TNFAIP2: variants seen among roughly 807,000 people sequenced by gnomAD.
The protein encoded by TNFAIP2 is tumor necrosis factor alpha-induced protein 2.
In TNFAIP2, 47 loss-of-function variants were observed where a neutral mutation model predicts 63.5. That is an observed-to-expected ratio of 0.74 (90% CI 0.59 to 0.94). TNFAIP2 has a LOEUF of 0.94. Among genes scored for constraint, TNFAIP2 ranks in the 40% least tolerant of loss-of-function variants. The pLI is 0.00. For missense variants in TNFAIP2, 787 were observed against 850.2 expected (o/e 0.93, Z 0.92); for synonymous variants, 405 against 390.2 (o/e 1.04, Z -0.45).
Position 103,135,560 on chromosome 14 carries a change from G to T in TNFAIP2, c.*200G>T, listed in dbSNP as rs1001743559. The T allele has an allele frequency of 6.3e-6, 9 of 1,431,292 alleles. No homozygotes were observed. The highest frequency in any genetic ancestry group is 8.2e-6 in the Non-Finnish European group (9 of 1,097,070). 88.7% of individuals were successfully genotyped at this position (1,431,292 alleles called of 1,614,324 possible). On this transcript the variant is annotated 3_prime_UTR_variant, in exon 12 of 12. Coordinates refer to ENST00000560869, the MANE Select transcript of TNFAIP2 (RefSeq NM_006291.4). This position sits in a 1 kb window ranked among gnomAD's most constrained non-coding sequence, Gnocchi z 7.6. ...CTTGGTTTGTTTACATGTCCGATGG[G>T]GGCAGGAGCTCCCATCCTGGGCAGC...
At position 103,131,969 on chromosome 14, in the gene TNFAIP2, T is replaced by C. The variant is rs2087984757; in HGVS notation, c.1422+207T>C. Among the ~76,000 whole-genome samples, 1 of 80,132 alleles carries C rather than the reference T, an allele frequency of 1.2e-5. No homozygotes were observed. Among genetic ancestry groups the C allele is most frequent in the Non-Finnish European group, 2.7e-5 (1 of 37,252 alleles). The allele number at this position is 80,132 out of a possible 152,430, so 52.6% of individuals were successfully genotyped here. ...GCTCTGAACTCCGCCGATCATGTCC[T>C]GGGGTTTCACCTGAGAGGGGCCGCC... On this transcript the variant is annotated intron_variant, in intron 8 of 11. Coordinates refer to ENST00000560869, the MANE Select transcript of TNFAIP2 (RefSeq NM_006291.4). The surrounding 1 kb of genome is among the most constrained non-coding windows in gnomAD (Gnocchi z 4.0).
At chr14:103,129,087 G>T (rs1202689749) in intron 3 of TNFAIP2, among the ~76,000 whole-genome samples, 1 of 152,200 alleles carries the variant, frequency 6.6e-6, no homozygotes, top group Non-Finnish European at 1.5e-5. Flanking sequence ...GAGCTCTGGG[G>T]CGCTGCAGAG....
chr14:103,122,524 A>G (rs1362495361), upstream of TNFAIP2: 1 of 385,152 alleles, frequency 2.6e-6, no homozygotes, highest in African/African-American at 2.1e-5. Flanking sequence ...TGAAATAAGG[A>G]AGGAAGTGAA....
At position 103,132,976 on chromosome 14, in the gene TNFAIP2, G is replaced by A. The variant is rs183502621; in HGVS notation, c.1545+104G>A. On this transcript the variant is annotated intron_variant, in intron 9 of 11. Coordinates refer to ENST00000560869, the MANE Select transcript of TNFAIP2 (RefSeq NM_006291.4). ...CACTCACGCACATGTGCTCACACGC[G>A]CACATGTGAACACACGTGAATGCAC... 4.5e-5 allele frequency: 68 copies of A among 1,521,078 alleles called. No homozygotes were observed. The Middle Eastern group carries it at 6.0e-4, about 13-fold the overall frequency. The allele number at this position is 1,521,078 out of a possible 1,614,324, so 94.2% of individuals were successfully genotyped here.
rs895943217 is a variant in TNFAIP2, at chr14:103,135,603, G to A, written c.*243G>A. The A allele has an allele frequency of 3.6e-6, 5 of 1,397,684 alleles. No homozygotes were observed. The African/African-American group carries it at 7.3e-5, about 20-fold the overall frequency. The allele number at this position is 1,397,684 out of a possible 1,614,324, so 86.6% of individuals were successfully genotyped here. ...TGGGCAGCCAACCAGGCAACACCAA[G>A]GACTCTTTGTAAACGATAGCTGATC... On this transcript the variant is annotated 3_prime_UTR_variant, in exon 12 of 12. Transcript: ENST00000560869. This position sits in a 1 kb window ranked among gnomAD's most constrained non-coding sequence, Gnocchi z 7.6.
rs546155705 is a variant in TNFAIP2 at position 103,133,077 on chromosome 14, CAT to C, written c.1545+206_1545+207del. 5.9e-4 allele frequency among the ~76,000 whole-genome samples: 90 copies of C among 152,268 alleles called. No individual in the cohort carries two copies. The Middle Eastern group carries it at 0.01, about 17-fold the overall frequency. ...GAACGCACGAGCATGTGAACACACA[CAT>C]GTGAATGCACGAGCATGTGAACACA... On this transcript the variant is annotated intron_variant, in intron 9 of 11. Transcript: ENST00000560869.
At position 103,127,402 on chromosome 14, in the gene TNFAIP2, G is replaced by A. The variant is rs748867384; in HGVS notation, c.633G>A (p.Glu211=). ...RMGQRPAAGA[E]VPESVFLHLG... is the part of the protein sequence containing the mutation. ...GCCAGCGGCCGGCCGCGGGCGCCGA[G>A]GTCCCCGAGAGCGTCTTTCTGCACT... The change falls in exon 3 of 12, where the codon GAG becomes GAA. Residue 211 remains glutamate, a synonymous_variant. Coordinates refer to ENST00000560869, the MANE Select transcript of TNFAIP2 (RefSeq NM_006291.4). This position sits in a 1 kb window ranked among gnomAD's most constrained non-coding sequence, Gnocchi z 5.1. 1.5e-5 allele frequency: 23 copies of A among 1,553,090 alleles called. No homozygotes were observed. In the Admixed American group the frequency reaches 3.0e-4, roughly 21 times the overall value.
intron 2 of TNFAIP2, 133 bp from the exon 3 acceptor site, chr14:103,126,872 C>T: frequency 1.4e-6 from 2 of 1,386,652 alleles, no homozygotes; most frequent in South Asian, 3.0e-5. Context: ...GTCAGGGACA[C>T]CGACATCACC....
rs1311347035 is a variant in TNFAIP2, at chr14:103,131,262, C to T, written c.1298+112C>T. 2 of 1,184,546 alleles carry T rather than the reference C, an allele frequency of 1.7e-6. No individual in the cohort carries two copies. Among genetic ancestry groups the T allele is most frequent in the Admixed American group, 1.8e-5 (1 of 54,926 alleles). 73.4% of individuals were successfully genotyped at this position (1,184,546 alleles called of 1,614,324 possible). ...CTTAGGCCAAGAAGTGGAATTCAAA[C>T]CAGCAACATGTGTGAGGACTCCACG... On this transcript the variant is annotated intron_variant, in intron 7 of 11. Coordinates refer to ENST00000560869, the MANE Select transcript of TNFAIP2 (RefSeq NM_006291.4). The surrounding 1 kb of genome is among the most constrained non-coding windows in gnomAD (Gnocchi z 4.0).
chr14:103,128,422 G>A (rs1252706794), intron 3 of TNFAIP2, among the ~76,000 whole-genome samples: 1 of 152,208 alleles, frequency 6.6e-6, no homozygotes, highest in East Asian at 1.9e-4. Context: ...ATCCCTGGGC[G>A]TGCCCGTCAT....
At chr14:103,133,281 C>T in intron 9 of TNFAIP2, 81 bp from the exon 10 acceptor site, 1 of 1,528,738 alleles carries the variant, frequency 6.5e-7, no homozygotes, top group South Asian at 1.2e-5. Flanking sequence ...TCTCTGGAGG[C>T]CTGGCTACAA....
chr14:103,124,385 G>C (rs1288593805), intron 1 of TNFAIP2: 1 of 152,418 alleles, frequency 6.6e-6, no homozygotes. Flanking sequence ...CTGCCTCGGA[G>C]AGCGGAGACC....
rs8176398 is a variant in TNFAIP2, at chr14:103,135,129, C to G, written c.1824-90C>G. ...CCCTCGTGGGCCGGGCGTTGGCTGT[C>G]GGGCCCTGTGGCACTGGCCGGGAGT... On this transcript the variant is annotated intron_variant, in intron 11 of 11. Coordinates refer to ENST00000560869, the MANE Select transcript of TNFAIP2 (RefSeq NM_006291.4). This position sits in a 1 kb window ranked among gnomAD's most constrained non-coding sequence, Gnocchi z 7.6. 1.5e-4 allele frequency: 237 copies of G among 1,552,722 alleles called. 1 individual carries two copies. The African/African-American group carries it at 3.0e-3, about 20-fold the overall frequency.
At chr14:103,128,894 G>T (rs1278534061) in intron 3 of TNFAIP2, among the ~76,000 whole-genome samples, 1 of 152,256 alleles carries the variant, frequency 6.6e-6, no homozygotes, top group African/African-American at 2.4e-5. Flanking sequence ...AAGCCAAGCT[G>T]GGCATGGAGC....
upstream of TNFAIP2, among the ~76,000 whole-genome samples, chr14:103,122,227 T>C (rs1001484187): frequency 7.9e-5 from 12 of 152,176 alleles, no homozygotes; most frequent in Non-Finnish European, 1.5e-4. Context: ...TGGATGGCAA[T>C]CCGAGTGCAA....
rs184876420 is a variant in TNFAIP2 at position 103,127,720 on chromosome 14, C to T, written c.860+91C>T. On this transcript the variant is annotated intron_variant, in intron 3 of 11. Coordinates refer to ENST00000560869, the MANE Select transcript of TNFAIP2 (RefSeq NM_006291.4). This position sits in a 1 kb window ranked among gnomAD's most constrained non-coding sequence, Gnocchi z 5.1. ...GGGTGTCGAGGTGTGCCGCCGGCAG[C>T]TTTTAGTGAGGTCGGTGTTTGCAGA... 7.3e-7 allele frequency: 1 copy of T among 1,367,826 alleles called. No individual in the cohort carries two copies. Among genetic ancestry groups the T allele is most frequent in the African/African-American group, 1.5e-5 (1 of 68,096 alleles). The allele number at this position is 1,367,826 out of a possible 1,614,324, so 84.7% of individuals were successfully genotyped here.
At position 103,129,760 on chromosome 14, in the gene TNFAIP2, A is replaced by G; in HGVS notation, c.881A>G (p.Lys294Arg). The G allele has an allele frequency of 6.2e-7, 1 of 1,614,006 alleles. No individual in the cohort carries two copies. Among genetic ancestry groups the G allele is most frequent in the Non-Finnish European group, 8.5e-7 (1 of 1,179,946 alleles). ...LYPNDIINSP[K>R]LVGELQGMGL... ...TGCAGTGACATCATCAACAGCCCCA[A>G]GCTGGTGGGTGAGCTGCAGGGTATG... Residue 294 changes from lysine (K) to arginine (R), a missense_variant, in exon 4 of 12, where the codon AAG (lysine) becomes AGG (arginine). Coordinates refer to ENST00000560869, the MANE Select transcript of TNFAIP2 (RefSeq NM_006291.4).
Position 103,126,594 on chromosome 14 carries a change from T to C in TNFAIP2, c.137T>C (p.Val46Ala), listed in dbSNP as rs1321586770. ...AAAGGCCTGGCCAATGTGTTCTGCG[T>C]CTTCACCAAAGGGAAGAAGAAGAAG... ...KSKGLANVFC[V>A]FTKGKKKKGQ... The change falls in exon 2 of 12, where the codon GTC becomes GCC. Residue 46 changes from valine to alanine, a missense_variant. Physicochemically the swap from Val to Ala is moderately conservative, Grantham distance 64. Transcript: ENST00000560869. The C allele has an allele frequency of 6.4e-7, 1 of 1,554,272 alleles. No homozygotes were observed. The highest frequency in any genetic ancestry group is 8.7e-7 in the Non-Finnish European group (1 of 1,148,810).
In TNFAIP2 at chr14:103,132,868, G is replaced by C. The variant is rs769342822; in HGVS notation, c.1541G>C (p.Arg514Pro). 2 of 1,613,584 alleles carry C rather than the reference G, an allele frequency of 1.2e-6. No individual in the cohort carries two copies. The highest frequency in any genetic ancestry group is 2.7e-5 in the African/African-American group (2 of 74,952). Residue 514 changes from arginine (R) to proline (P), a missense_variant, in exon 9 of 12, where the codon CGG becomes CCG. This residue lies in a region of TNFAIP2 where 523 missense variants were observed against 604.1 expected (regional missense o/e 0.87). Transcript: ENST00000560869. ...PEFSELQGCFREELMEALHLH... is the reference protein window; with the variant it reads ...PEFSELQGCFPEELMEALHLH... ...TTCTCAGAGCTGCAGGGCTGTTTCCGGGAGGTGAGGAGGCTCTGGGCTGGT... is the reference window on the plus strand; with the variant it reads ...TTCTCAGAGCTGCAGGGCTGTTTCCCGGAGGTGAGGAGGCTCTGGGCTGGT...
Sources: allele counts gnomAD v4.1 joint callset (sites outside exome capture counted in the v4.1 genomes callset), GRCh38; gene constraint gnomAD v4.1.1; regional missense constraint gnomAD v4.1.1; non-coding constraint Gnocchi (gnomAD v3.1); transcripts MANE v1.5; gene names NCBI Gene and HGNC (gene_info 2026-07-23, HGNC 2026-07-21).